The following WRN variants were observed in gnomAD, a reference collection of about 807,000 sequenced individuals.
WRN encodes the protein bifunctional 3'-5' exonuclease/ATP-dependent helicase WRN.
Under a neutral mutation model 180.7 loss-of-function variants are expected in WRN, and 149 were observed. That is an observed-to-expected ratio of 0.82 (90% CI 0.72 to 0.94). The LOEUF is 0.94. Ranked by LOEUF, WRN falls within the 40% of genes least tolerant of loss-of-function variation. WRN has a pLI of 0.00. For missense variants in WRN, 1,661 were observed against 1,700.1 expected (o/e 0.98, Z 0.40); for synonymous variants, 548 against 568.9 (o/e 0.96, Z 0.52).
chr8:31,134,121 A>T (rs971483395), intron 24 of WRN, among the ~76,000 whole-genome samples: 3 of 152,204 alleles, frequency 2.0e-5, no homozygotes, highest in African/African-American at 7.2e-5. Flanking sequence ...TAGACACTAA[A>T]TGCAATGAAA....
intron 23 of WRN, among the ~76,000 whole-genome samples, chr8:31,130,376 G>C (rs903568156): frequency 6.6e-6 from 1 of 152,088 alleles, no homozygotes; most frequent in Non-Finnish European, 1.5e-5. Flanking sequence ...CTATTTCAAA[G>C]ATACTTACTC....
In WRN at chr8:31,104,780, C is replaced by T. The variant is rs143433215; in HGVS notation, c.2088+3825C>T. Among the ~76,000 whole-genome samples the T allele has an allele frequency of 6.6e-4, 101 of 152,246 alleles. No individual in the cohort carries two copies. The East Asian group carries it at 0.012, about 19-fold the overall frequency. ...TCCTTCCCCTGTTAAATTGCGTTTG[C>T]CCCTTTGTTGAAAGTCATGTGGGTG... On this transcript the variant is annotated intron_variant, in intron 18 of 34. Coordinates refer to ENST00000298139, the MANE Select transcript of WRN (RefSeq NM_000553.6).
chr8:31,175,692 G>A lies in WRN; in HGVS notation c.*2590G>A, dbSNP rs1585558673. On this transcript the variant is annotated 3_prime_UTR_variant, in exon 35 of 35. Transcript: ENST00000298139. ...CCAACTACGTGCCTGTGCAAAGTCA[G>A]ATTTTTTTCATATACTTCAGCCAAA... 6.6e-6 allele frequency among the ~76,000 whole-genome samples: 1 copy of A among 152,244 alleles called. No individual in the cohort carries two copies. Among genetic ancestry groups the A allele is most frequent in the Admixed American group, 6.5e-5 (1 of 15,304 alleles).
intron 23 of WRN, among the ~76,000 whole-genome samples, chr8:31,129,501 T>C (rs1375350293): frequency 2.0e-5 from 3 of 152,186 alleles, no homozygotes; most frequent in East Asian, 3.8e-4. Context: ...TCTCACCACA[T>C]TTTCTGACCA....
At chr8:31,083,271 G>C (rs1813392087) in intron 9 of WRN, among the ~76,000 whole-genome samples, 4 of 152,152 alleles carry the variant, frequency 2.6e-5, no homozygotes, top group Admixed American at 2.0e-4. Context: ...TACAATCATA[G>C]TAGTTTTTTG....
chr8:31,154,548 T>C, intron 31 of WRN, 76 bp from the exon 32 acceptor site: 1 of 1,485,368 alleles, frequency 6.7e-7, no homozygotes, highest in East Asian at 2.5e-5. Context: ...TTTTTCTTAA[T>C]GGCTAATTAT....
chr8:31,126,482 A>G (rs1036433199), intron 23 of WRN, among the ~76,000 whole-genome samples: 2 of 152,320 alleles, frequency 1.3e-5, no homozygotes, highest in Admixed American at 1.3e-4. Flanking sequence ...AGATGCAGCT[A>G]ATGCAATACT....
rs1030398504 is a variant in WRN, at chr8:31,141,781, T to C, written c.3233+6T>C. 15 of 1,611,402 alleles carry C rather than the reference T, an allele frequency of 9.3e-6. No individual in the cohort carries two copies. Among genetic ancestry groups the C allele is most frequent in the African/African-American group, 4.0e-5 (3 of 74,862 alleles). ...AAGAAGTTGCTTCTGCCTAGGTTCA[T>C]TTTTCAGTTTTTTTCTTGTAACTTC... On this transcript the variant is annotated splice_donor_region_variant and intron_variant, in intron 26 of 34. Coordinates refer to ENST00000298139, the MANE Select transcript of WRN (RefSeq NM_000553.6).
chr8:31,114,274 A>T (rs939431640), intron 19 of WRN, among the ~76,000 whole-genome samples: 10 of 152,136 alleles, frequency 6.6e-5, no homozygotes, highest in Non-Finnish European at 1.2e-4. Context: ...TGTTTCTTAA[A>T]CTAACCCTAT....
At chr8:31,142,526 G>GTAA in intron 26 of WRN, 100 bp from the exon 27 acceptor site, 1 of 920,774 alleles carries the variant, frequency 1.1e-6, no homozygotes, top group Non-Finnish European at 1.6e-6. Context: ...TTCTAAAAGG[G>GTAA]TAATATCTTA....
chr8:31,130,028 A>G, intron 23 of WRN, among the ~76,000 whole-genome samples: 1 of 148,956 alleles, frequency 6.7e-6, no homozygotes, highest in South Asian at 2.2e-4. Flanking sequence ...AACAAAACAA[A>G]AAAAAAAACT....
intron 23 of WRN, among the ~76,000 whole-genome samples, chr8:31,128,722 G>A (rs1344422660): frequency 6.6e-6 from 1 of 152,142 alleles, no homozygotes; most frequent in East Asian, 1.9e-4. Flanking sequence ...AGCCGGATGT[G>A]GTGGCGAGTG....
At chr8:31,161,414 A>G (rs1006011146) in intron 33 of WRN, among the ~76,000 whole-genome samples, 9 of 152,220 alleles carry the variant, frequency 5.9e-5, no homozygotes, top group African/African-American at 2.2e-4. Context: ...GCTGTACGGT[A>G]TAGCTCCTGT....
chr8:31,094,786 T>C (rs1181937226), intron 16 of WRN, among the ~76,000 whole-genome samples: 1 of 152,202 alleles, frequency 6.6e-6, no homozygotes, highest in Non-Finnish European at 1.5e-5. Context: ...CATAGTGATA[T>C]CAGTACTTCA....
At chr8:31,162,545 A>G (rs775531444) in intron 33 of WRN, among the ~76,000 whole-genome samples, 3 of 152,244 alleles carry the variant, frequency 2.0e-5, no homozygotes, top group African/African-American at 4.8e-5. Context: ...TAGCAAACAC[A>G]TAAACATAGT....
chr8:31,149,455 GTTTTTTTT>G (rs71208105), intron 30 of WRN, among the ~76,000 whole-genome samples: 290 of 51,756 alleles, frequency 5.6e-3, no homozygotes, highest in Middle Eastern at 0.022. Flanking sequence ...TAATAGAGGT[GTTTTTTTT>G]TTTTTTTTTT....
chr8:31,072,497 G>C (rs966945463), intron 7 of WRN, among the ~76,000 whole-genome samples: 8 of 152,092 alleles, frequency 5.3e-5, no homozygotes, highest in Non-Finnish European at 1.2e-4. Context: ...GAGTAGGTTA[G>C]ATCTGAGGAA....
In WRN at chr8:31,154,671, T is replaced by A. The variant is rs1301831616; in HGVS notation, c.3735T>A (p.Ser1245Arg). Reference protein sequence around the residue: ...STKPQEEQKTSLVAKNKICTL... With the variant: ...STKPQEEQKTRLVAKNKICTL... ...AACCTCAAGAAGAACAGAAGACGAG[T>A]CTGGTAGCAAAAAATAAAATATGCA... The change falls in exon 32 of 35, where the codon AGT (serine) becomes AGA (arginine). Residue 1245 changes from serine (S) to arginine (R), a missense_variant. By Grantham distance (110) the Ser-to-Arg change is moderately radical. Transcript: ENST00000298139. The A allele has an allele frequency of 1.2e-6, 2 of 1,613,444 alleles. No homozygotes were observed. The highest frequency in any genetic ancestry group is 1.7e-6 in the Non-Finnish European group (2 of 1,179,678).
intron 6 of WRN, among the ~76,000 whole-genome samples, chr8:31,067,581 C>T (rs1009088292): frequency 6.6e-6 from 1 of 151,976 alleles, no homozygotes; most frequent in Non-Finnish European, 1.5e-5. Flanking sequence ...TAAAACTGGC[C>T]TTATTTCTTA....
Sources: allele counts gnomAD v4.1 joint callset (sites outside exome capture counted in the v4.1 genomes callset), GRCh38; gene constraint gnomAD v4.1.1; transcripts MANE v1.5; gene names NCBI Gene and HGNC (gene_info 2026-07-23, HGNC 2026-07-21).